The following CD46 variants were observed in gnomAD, a reference collection of about 807,000 sequenced individuals.
The protein encoded by CD46 is membrane cofactor protein.
In CD46, 30 loss-of-function variants were observed where a neutral mutation model predicts 53.3. That is an observed-to-expected ratio of 0.56 (90% confidence interval 0.42 to 0.76). CD46 has a LOEUF of 0.76. Among genes scored for constraint, CD46 ranks in the 30% least tolerant of loss-of-function variants. The pLI is 0.00. For missense variants in CD46, 409 were observed against 463.0 expected (o/e 0.88, Z 1.07); for synonymous variants, 142 against 152.0 (o/e 0.93, Z 0.48).
chr1:207,790,356 T>C lies in CD46; in HGVS notation c.*41+11T>C. On this transcript the variant is annotated intron_variant, in intron 12 of 12. Transcript: ENST00000367042. ...TTTTATCATTAAAAGGTATCTGTTT[T>C]CTGTTGTTTATTTTCAGATGTCCTT... The C allele has an allele frequency of 1.5e-6, 2 of 1,355,648 alleles. No individual in the cohort carries two copies. Among genetic ancestry groups the C allele is most frequent in the Non-Finnish European group, 1.1e-6 (1 of 946,482 alleles). 84.0% of individuals were successfully genotyped at this position (1,355,648 alleles called of 1,614,324 possible).
Position 207,767,043 on chromosome 1 carries a change from A to C in CD46, c.704A>C (p.Asn235Thr). The C allele has an allele frequency of 6.2e-7, 1 of 1,613,804 alleles. No individual in the cohort carries two copies. The highest frequency in any genetic ancestry group is 1.1e-5 in the South Asian group (1 of 91,074). Residue 235 changes from asparagine (N) to threonine (T), a missense_variant, in exon 6 of 13, where the codon AAT becomes ACT. Transcript: ENST00000367042. The part of the protein sequence containing the change: ...VVKCRFPVVE[N>T]GKQISGFGKK... ...AAATGTCGATTTCCAGTAGTCGAAA[A>C]TGGAAAACAGATATCAGGATTTGGA...
intron 8 of CD46, among the ~76,000 whole-genome samples, chr1:207,777,500 T>G (rs1658244698): frequency 6.6e-6 from 1 of 152,168 alleles, no homozygotes; most frequent in South Asian, 2.1e-4. Flanking sequence ...CCCTCCCCGG[T>G]CAAGTATACC....
At chr1:207,770,143 C>T in intron 7 of CD46, 178 bp from the exon 8 acceptor site, 4 of 603,498 alleles carry the variant, frequency 6.6e-6, no homozygotes, top group South Asian at 4.1e-5. Flanking sequence ...CTTGTACATA[C>T]ATCTTACATA....
intron 1 of CD46, among the ~76,000 whole-genome samples, chr1:207,756,257 A>C (rs1318032801): frequency 1.3e-5 from 2 of 152,224 alleles, no homozygotes; most frequent in African/African-American, 2.4e-5. Context: ...CAAAGGAGGC[A>C]AGAAAGAAGG....
rs751298292 is a variant in CD46 at position 207,783,281 on chromosome 1, T to C, written c.944-11T>C. 6 of 1,429,020 alleles carry C rather than the reference T, an allele frequency of 4.2e-6. No homozygotes were observed. The highest frequency in any genetic ancestry group is 2.3e-5 in the East Asian group (1 of 43,808). 88.5% of individuals were successfully genotyped at this position (1,429,020 alleles called of 1,614,324 possible). A position where few individuals can be genotyped will look rare whatever the true frequency, so the allele number is the denominator to read the frequency against. On this transcript the variant is annotated splice_polypyrimidine_tract_variant and intron_variant, in intron 8 of 12. Transcript: ENST00000367042. ...TTATTAATTTAATCTATATTTCTTCTTTTTTCCTAGGATATCCTAAACCTG... is the reference window on the plus strand; with the variant it reads ...TTATTAATTTAATCTATATTTCTTCCTTTTTCCTAGGATATCCTAAACCTG...
intron 8 of CD46, among the ~76,000 whole-genome samples, chr1:207,782,439 T>C (rs1658836734): frequency 6.6e-6 from 1 of 152,138 alleles, no homozygotes; most frequent in African/African-American, 2.4e-5. Flanking sequence ...ATTGCTCTGA[T>C]TAGAACTTTC....
chr1:207,785,742 T>C, intron 11 of CD46, 60 bp downstream of exon 11: 1 of 1,088,680 alleles, frequency 9.2e-7, no homozygotes. Context: ...CATGCTTTTG[T>C]GCAGCTTCAG....
chr1:207,786,687 G>T (rs927091960), intron 11 of CD46, among the ~76,000 whole-genome samples: 1 of 151,962 alleles, frequency 6.6e-6, no homozygotes, highest in Non-Finnish European at 1.5e-5. Context: ...ATCAGGTTTG[G>T]GCTAAGTCAT....
intron 5 of CD46, 23 bp downstream of exon 5, chr1:207,761,469 T>C (rs1656206408): frequency 3.2e-6 from 5 of 1,584,220 alleles, no homozygotes; most frequent in Non-Finnish European, 4.3e-6. Context: ...TTTATTTCCT[T>C]CTTCATTTGT....
intron 12 of CD46, among the ~76,000 whole-genome samples, chr1:207,792,643 T>G (rs1659908525): frequency 6.6e-6 from 1 of 152,258 alleles, no homozygotes; most frequent in Admixed American, 6.5e-5. Flanking sequence ...GTGTTTGCTG[T>G]GGCACACATA....
At chr1:207,761,691 G>A (rs1656236295) in intron 5 of CD46, among the ~76,000 whole-genome samples, 1 of 148,690 alleles carries the variant, frequency 6.7e-6, no homozygotes, top group Non-Finnish European at 1.5e-5. Context: ...GTACCTGCAT[G>A]AGTTAGAAGT....
intron 7 of CD46, chr1:207,769,042 G>A (rs1222651571): frequency 2.0e-5 from 3 of 152,122 alleles, no homozygotes; most frequent in Non-Finnish European, 4.4e-5. Flanking sequence ...GGTGGATCAC[G>A]AGGTCAGAAG....
In CD46 at chr1:207,785,648, C is replaced by T; in HGVS notation, c.1048C>T (p.Pro350Ser). 1 of 1,610,618 alleles carries T rather than the reference C, an allele frequency of 6.2e-7. No individual in the cohort carries two copies. The highest frequency in any genetic ancestry group is 2.2e-5 in the East Asian group (1 of 44,718). Reference protein sequence around the residue: ...VVGVAVICVVPYRYLQRRKKK... With the variant: ...VVGVAVICVVSYRYLQRRKKK... Reference sequence around the variant, plus strand: ...TGGAGTTGCAGTAATTTGTGTTGTCCCGTACAGATATCTTCAAAGGAGGAA... The same window carrying T: ...TGGAGTTGCAGTAATTTGTGTTGTCTCGTACAGATATCTTCAAAGGAGGAA... Residue 350 changes from proline to serine, a missense_variant, in exon 11 of 13, where the codon CCG becomes TCG. Physicochemically the swap from Pro to Ser is moderately conservative, Grantham distance 74. Transcript: ENST00000367042.
At chr1:207,763,076 C>G (rs1238299940) in intron 5 of CD46, 1 of 152,474 alleles carries the variant, frequency 6.6e-6, no homozygotes, top group Non-Finnish European at 1.5e-5. Flanking sequence ...CATGGAAGAA[C>G]TGGCCTCAGA....
intron 8 of CD46, among the ~76,000 whole-genome samples, chr1:207,773,953 CATTGATCTGTCCAAT>C (rs1657805909): frequency 1.3e-5 from 2 of 152,142 alleles, no homozygotes; most frequent in African/African-American, 4.8e-5. Flanking sequence ...CTTTCTGTCT[CATTGATCTGTCCAAT>C]ATTGACAGTG....
chr1:207,779,125 T>C (rs1172939568), intron 8 of CD46, among the ~76,000 whole-genome samples: 28 of 152,146 alleles, frequency 1.8e-4, no homozygotes, highest in Admixed American at 1.8e-3. Flanking sequence ...GATTTTTGTA[T>C]ATTGATTTTG....
intron 7 of CD46, chr1:207,769,766 C>CTTT (rs761840413): frequency 2.8e-5 from 4 of 144,490 alleles, no homozygotes; most frequent in Non-Finnish European, 6.0e-5. Context: ...AAGCACATTC[C>CTTT]CTTTTTTTTT....
chr1:207,767,209 C>CT lies in CD46; in HGVS notation c.856+20dup, dbSNP rs1458342448. On this transcript the variant is annotated intron_variant, in intron 6 of 12. Coordinates refer to ENST00000367042, the MANE Select transcript of CD46 (RefSeq NM_172351.3). ...AGTGTCTTAAAGGTACAAAGGTTATCTTTTTTCTGTCTTGGTTTGTTATTG... is the reference window on the plus strand; with the variant it reads ...AGTGTCTTAAAGGTACAAAGGTTATCTTTTTTTCTGTCTTGGTTTGTTATTG... 17 of 1,605,728 alleles carry CT rather than the reference C, an allele frequency of 1.1e-5. No homozygotes were observed. In the Admixed American group the frequency reaches 2.3e-4, roughly 22 times the overall value.
chr1:207,768,547 G>C (rs962824878), intron 7 of CD46: 1 of 152,026 alleles, frequency 6.6e-6, no homozygotes, highest in Non-Finnish European at 1.5e-5. Flanking sequence ...CTCTTTAGTG[G>C]GCAGTTTTAT....
Sources: allele counts gnomAD v4.1 joint callset (sites outside exome capture counted in the v4.1 genomes callset), GRCh38; gene constraint gnomAD v4.1.1; transcripts MANE v1.5; gene names NCBI Gene and HGNC (gene_info 2026-07-23, HGNC 2026-07-21).